The following GALNTL6 variants were observed in gnomAD, a reference collection of about 807,000 sequenced individuals.
GALNTL6 encodes polypeptide N-acetylgalactosaminyltransferase like 6.
Under a neutral mutation model 73.7 loss-of-function variants are expected in GALNTL6, and 46 were observed. The observed-to-expected ratio is 0.62, with a 90% CI of 0.49 to 0.80. The LOEUF is 0.80. GALNTL6 is among the 30% of genes least tolerant of loss of function. The pLI is 0.00. For synonymous variants in GALNTL6, 259 were observed against 263.7 expected (o/e 0.98, Z 0.17); for missense variants, 604 against 755.0 (o/e 0.80, Z 2.34).
At chr4:172,921,625 T>C (rs967441452) in intron 8 of GALNTL6, among the ~76,000 whole-genome samples, 8 of 151,840 alleles carry the variant, frequency 5.3e-5, no homozygotes, top group African/African-American at 1.9e-4. Flanking sequence ...GTGAAACCTG[T>C]CTCTACTAAA....
intron 5 of GALNTL6, among the ~76,000 whole-genome samples, chr4:172,558,489 G>A (rs1736226446): frequency 6.6e-6 from 1 of 152,184 alleles, no homozygotes; most frequent in African/African-American, 2.4e-5. Context: ...CAGCAGGGAT[G>A]TGTGTGCACA....
chr4:172,621,226 T>C lies in GALNTL6; in HGVS notation c.554-188135T>C, dbSNP rs562183470. ...CTAGCATGCCCAGCTAATTTTTAAA[T>C]TTTTATTTTGTAAACATGGGATCTT... On this transcript the variant is annotated intron_variant, in intron 5 of 12. Coordinates refer to ENST00000506823, the MANE Select transcript of GALNTL6 (RefSeq NM_001034845.3). Among the ~76,000 whole-genome samples, 4 of 152,320 alleles carry C rather than the reference T, an allele frequency of 2.6e-5. No homozygotes were observed. The South Asian group carries it at 8.3e-4, about 32-fold the overall frequency.
intron 5 of GALNTL6, among the ~76,000 whole-genome samples, chr4:172,389,793 T>G (rs889231625): frequency 6.6e-6 from 1 of 152,182 alleles, no homozygotes; most frequent in African/African-American, 2.4e-5. Context: ...TGCTTAATAT[T>G]TTCTTACTGT....
intron 2 of GALNTL6, among the ~76,000 whole-genome samples, chr4:172,174,459 GCA>G (rs2110830701): frequency 6.6e-6 from 1 of 152,060 alleles, no homozygotes; most frequent in Admixed American, 6.5e-5. Context: ...GCTTCACTGG[GCA>G]CACTGTGCTT....
At chr4:172,240,885 G>A (rs1737414862) in intron 3 of GALNTL6, among the ~76,000 whole-genome samples, 1 of 152,106 alleles carries the variant, frequency 6.6e-6, no homozygotes, top group South Asian at 2.1e-4. Flanking sequence ...ACTTACTGTG[G>A]TCATTTGGAG....
At chr4:172,485,572 T>C (rs888546842) in intron 5 of GALNTL6, among the ~76,000 whole-genome samples, 2 of 152,150 alleles carry the variant, frequency 1.3e-5, no homozygotes, top group Admixed American at 6.5e-5. Context: ...TATTCCTCTA[T>C]CACAAATTAG....
intron 5 of GALNTL6, among the ~76,000 whole-genome samples, chr4:172,765,265 C>A (rs1335157949): frequency 2.0e-5 from 3 of 152,048 alleles, no homozygotes; most frequent in African/African-American, 7.2e-5. Flanking sequence ...TTAAATGTCC[C>A]AAAATATAAA....
At chr4:172,824,190 C>A (rs991001305) in intron 7 of GALNTL6, among the ~76,000 whole-genome samples, 5 of 152,126 alleles carry the variant, frequency 3.3e-5, no homozygotes, top group Non-Finnish European at 5.9e-5. Flanking sequence ...TTGAAGCCTG[C>A]AGTATTTATA....
intron 2 of GALNTL6, among the ~76,000 whole-genome samples, chr4:172,055,550 A>C (rs919228097): frequency 6.6e-6 from 1 of 151,712 alleles, no homozygotes; most frequent in African/African-American, 2.4e-5. Context: ...TGAGACTTCC[A>C]TTTTTTTTCC....
Position 172,177,826 on chromosome 4 carries a change from TAC to T in GALNTL6, c.139-51822_139-51821del, listed in dbSNP as rs891594040. On this transcript the variant is annotated intron_variant, in intron 2 of 12. Coordinates refer to ENST00000506823, the MANE Select transcript of GALNTL6 (RefSeq NM_001034845.3). ...ACACACATATATGTGTGTGTATATA[TAC>T]ACACACATATATATGTGTATATATA... 3.5e-5 allele frequency among the ~76,000 whole-genome samples: 5 copies of T among 143,840 alleles called. No homozygotes were observed. In the South Asian group the frequency reaches 6.5e-4, roughly 19 times the overall value. The allele number at this position is 143,840 out of a possible 152,430, so 94.4% of individuals were successfully genotyped here.
intron 5 of GALNTL6, among the ~76,000 whole-genome samples, chr4:172,570,497 C>G (rs1736720415): frequency 6.6e-6 from 1 of 152,128 alleles, no homozygotes; most frequent in Non-Finnish European, 1.5e-5. Flanking sequence ...ACACATTCAT[C>G]TGTAAGCTAA....
intron 2 of GALNTL6, among the ~76,000 whole-genome samples, chr4:172,196,274 A>G (rs765812304): frequency 6.6e-6 from 1 of 152,192 alleles, no homozygotes; most frequent in African/African-American, 2.4e-5. Flanking sequence ...GAATAGACCA[A>G]TAATGAATTC....
At chr4:172,745,361 T>A (rs187160293) in intron 5 of GALNTL6, among the ~76,000 whole-genome samples, 20 of 151,886 alleles carry the variant, frequency 1.3e-4, no homozygotes, top group Admixed American at 3.3e-4. Context: ...TTATACATTA[T>A]GTTATTTTAG....
chr4:172,015,401 C>A (rs1042637606), intron 2 of GALNTL6, among the ~76,000 whole-genome samples: 2 of 151,824 alleles, frequency 1.3e-5, no homozygotes, highest in African/African-American at 4.8e-5. Context: ...TGTGTAATAT[C>A]TTATTCCAAC....
chr4:172,951,975 AC>A, intron 9 of GALNTL6, 61 bp from the exon 10 acceptor site: 8 of 1,401,604 alleles, frequency 5.7e-6, no homozygotes, highest in South Asian at 3.8e-5. Context: ...TTCTGGTGCA[AC>A]AAAAAACACC....
At position 171,887,215 on chromosome 4, in the gene GALNTL6, T is replaced by C. The variant is rs138398421; in HGVS notation, c.138+72497T>C. On this transcript the variant is annotated intron_variant, in intron 2 of 12. Transcript: ENST00000506823. ...TTGTGAGGGAGGAACTCTCATGACC[T>C]CAGCACCACCTAAACCCCACCTCCC... Among the ~76,000 whole-genome samples the C allele has an allele frequency of 5.6e-4, 85 of 152,250 alleles. 1 individual carries two copies. The highest frequency in any genetic ancestry group is 3.4e-3 in the Middle Eastern group (1 of 294).
intron 3 of GALNTL6, among the ~76,000 whole-genome samples, chr4:172,279,036 C>G (rs1336847598): frequency 6.6e-6 from 1 of 151,938 alleles, no homozygotes; most frequent in Non-Finnish European, 1.5e-5. Context: ...GAAGTTGGAC[C>G]CATACTTTGC....
intron 2 of GALNTL6, among the ~76,000 whole-genome samples, chr4:171,987,911 G>A (rs186520147): frequency 7.2e-5 from 11 of 152,188 alleles, no homozygotes; most frequent in South Asian, 2.1e-4. Context: ...TGTGGAAGTC[G>A]GGATTAAAGT....
chr4:172,824,176 G>A (rs1446994258), intron 7 of GALNTL6, among the ~76,000 whole-genome samples: 8 of 152,264 alleles, frequency 5.3e-5, no homozygotes, highest in South Asian at 4.2e-4. Context: ...CATGTGGTGT[G>A]CCGTTGAAGC....
Sources: allele counts gnomAD v4.1 joint callset (sites outside exome capture counted in the v4.1 genomes callset), GRCh38; gene constraint gnomAD v4.1.1; transcripts MANE v1.5; gene names NCBI Gene and HGNC (gene_info 2026-07-23, HGNC 2026-07-21).